UNC13B: variants seen among roughly 807,000 people sequenced by gnomAD.
UNC13B encodes the protein protein unc-13 homolog B.
In UNC13B, 144 loss-of-function variants were observed where a neutral mutation model predicts 211.0. That is an observed-to-expected ratio of 0.68 (90% CI 0.60 to 0.78). The LOEUF is 0.78. Ranked by LOEUF, UNC13B falls within the 30% of genes least tolerant of loss-of-function variation. The pLI, the probability that UNC13B is intolerant of heterozygous loss-of-function variation, is 0.00. For missense variants in UNC13B, 1,777 were observed against 2,002.0 expected, an observed-to-expected ratio of 0.89 and a Z score of 2.14; for synonymous variants, 709 against 725.8, an observed-to-expected ratio of 0.98 and a Z score of 0.37.
chr9:35,394,731 AG>A (rs1417009432), intron 26 of UNC13B, among the ~76,000 whole-genome samples: 2 of 152,204 alleles, frequency 1.3e-5, no homozygotes, highest in African/African-American at 4.8e-5. Flanking sequence ...GGTGGAAGTC[AG>A]GGGCAGGAGG....
chr9:35,276,729 G>A (rs1245913278), intron 7 of UNC13B, among the ~76,000 whole-genome samples: 4 of 151,992 alleles, frequency 2.6e-5, no homozygotes, highest in East Asian at 3.9e-4. Context: ...ATTCCACTCC[G>A]GGATAACTAG....
At chr9:35,248,853 C>A (rs1200281574) in intron 6 of UNC13B, among the ~76,000 whole-genome samples, 1 of 152,112 alleles carries the variant, frequency 6.6e-6, no homozygotes, top group Non-Finnish European at 1.5e-5. Flanking sequence ...GTGGAGAGTT[C>A]TGTAGATGTC....
intron 1 of UNC13B, among the ~76,000 whole-genome samples, chr9:35,202,308 TG>T (rs1823352716): frequency 6.6e-6 from 1 of 152,200 alleles, no homozygotes; most frequent in African/African-American, 2.4e-5. Context: ...AAATAATGTA[TG>T]TTCTGTTGAT....
intron 7 of UNC13B, among the ~76,000 whole-genome samples, chr9:35,282,488 T>C (rs563495338): frequency 4.5e-4 from 69 of 152,286 alleles, no homozygotes; most frequent in South Asian, 8.3e-4. Context: ...TGGAGTGCAG[T>C]GGCTGTGATC....
In UNC13B at chr9:35,304,109, C is replaced by T. The variant is rs149679789; in HGVS notation, c.4705C>T (p.Gln1569Ter). The T allele has an allele frequency of 8.4e-4, 333 of 398,628 alleles. 1 individual carries two copies. The highest frequency in any genetic ancestry group is 1.3e-3 in the Non-Finnish European group (289 of 225,868). The allele number at this position is 398,628 out of a possible 1,614,324, so 24.7% of individuals were successfully genotyped here. The change falls in exon 9 of 40, where the codon CAG (glutamine) becomes TAG (stop). Residue 1569 changes from glutamine (Q) to a stop codon, truncating the protein, a stop_gained. Transcript: ENST00000635942. LOFTEE classifies it high-confidence loss of function. ...TCAAGAGTATTTGGATTGTGATTTA[C>T]AGACAAATGGTCTATCAAGTATTAC... ...SYQEYLDCDLQTNGLSSITLD... is the reference protein window; with the variant it reads ...SYQEYLDCDL
rs1281432956 is a variant in UNC13B at position 35,400,310 on chromosome 9, A to C, written c.12351A>C (p.Ala4117=). The C allele has an allele frequency of 1.2e-6, 2 of 1,613,918 alleles. No homozygotes were observed. The highest frequency in any genetic ancestry group is 1.7e-6 in the Non-Finnish European group (2 of 1,179,912). Residue 4117 remains alanine (A), a synonymous_variant, in exon 37 of 40, where the codon GCA becomes GCC. Transcript: ENST00000635942. ...ALDTIKQYFH[A]GGNGLKKTFL... Reference sequence around the variant, plus strand: ...TTATCTTGCAGCAATACTTCCATGCAGGAGGCAATGGGCTGAAGAAAACCT... The same window carrying C: ...TTATCTTGCAGCAATACTTCCATGCCGGAGGCAATGGGCTGAAGAAAACCT...
chr9:35,167,560 C>G (rs1053428612), intron 1 of UNC13B, among the ~76,000 whole-genome samples: 3 of 148,888 alleles, frequency 2.0e-5, no homozygotes, highest in Non-Finnish European at 3.0e-5. Context: ...CTATTACAAA[C>G]AGTGCTACAA....
chr9:35,227,739 C>T, intron 1 of UNC13B: 2 of 349,560 alleles, frequency 5.7e-6, no homozygotes, highest in East Asian at 9.5e-5. Context: ...ATGAAACTGG[C>T]TGCCTGCCAC....
chr9:35,170,912 G>A (rs185324528), intron 1 of UNC13B, among the ~76,000 whole-genome samples: 59 of 152,168 alleles, frequency 3.9e-4, no homozygotes, highest in Non-Finnish European at 7.5e-4. Flanking sequence ...AAGCTCAGGT[G>A]ATTCTTCCAC....
Position 35,389,914 on chromosome 9 carries a change from C to A in UNC13B, c.11163C>A (p.Ile3721=), listed in dbSNP as rs773254780. The change falls in exon 25 of 40, where the codon ATC becomes ATA. Residue 3721 remains isoleucine, a synonymous_variant. Transcript: ENST00000635942. The part of the protein sequence containing the change: ...IRNLDFWPKL[I]TLIVSIIEED... ...ACCTGGATTTCTGGCCCAAGCTCAT[C>A]ACACTCATCGTGTCAATCATAGAGG... 8.1e-6 allele frequency: 13 copies of A among 1,614,036 alleles called. No individual in the cohort carries two copies. Among genetic ancestry groups the A allele is most frequent in the South Asian group, 1.1e-5 (1 of 91,080 alleles).
intron 13 of UNC13B, among the ~76,000 whole-genome samples, chr9:35,372,400 G>A (rs1834194053): frequency 1.3e-5 from 2 of 152,264 alleles, no homozygotes; most frequent in Admixed American, 1.3e-4. Flanking sequence ...GAAACCATGT[G>A]CCTCTCCAGG....
At chr9:35,177,128 T>TA (rs1336279913) in intron 1 of UNC13B, among the ~76,000 whole-genome samples, 4 of 151,120 alleles carry the variant, frequency 2.6e-5, no homozygotes, top group Admixed American at 2.6e-4. Flanking sequence ...TAAAAAAAAT[T>TA]AAAAAAAAAT....
Position 35,243,265 on chromosome 9 carries a change from T to C in UNC13B, c.395-26T>C, listed in dbSNP as rs369283558. On this transcript the variant is annotated intron_variant, in intron 5 of 39. Transcript: ENST00000635942. Reference sequence around the variant, plus strand: ...TATTACCTGCTGATGTGATTTCTTTTCTTTTTCTTCTTTTTTTTATGGTAG... The same window carrying C: ...TATTACCTGCTGATGTGATTTCTTTCCTTTTTCTTCTTTTTTTTATGGTAG... The C allele has an allele frequency of 3.7e-6, 6 of 1,608,540 alleles. No homozygotes were observed. The African/African-American group carries it at 8.0e-5, about 22-fold the overall frequency.
At chr9:35,362,356 A>G (rs899915248) in intron 11 of UNC13B, among the ~76,000 whole-genome samples, 2 of 152,248 alleles carry the variant, frequency 1.3e-5, no homozygotes, top group Non-Finnish European at 1.5e-5. Context: ...TGAACTAAGC[A>G]TGCGATATCT....
intron 13 of UNC13B, among the ~76,000 whole-genome samples, chr9:35,372,262 ACTCTGT>A (rs912857781): frequency 3.3e-5 from 5 of 152,184 alleles, no homozygotes; most frequent in Admixed American, 3.3e-4. Context: ...ACAGTGCAAG[ACTCTGT>A]CTCCAAACAA....
Position 35,302,969 on chromosome 9 carries a change from C to T in UNC13B, c.3565C>T (p.Leu1189=), listed in dbSNP as rs1829758179. 2.5e-6 allele frequency: 1 copy of T among 398,680 alleles called. No individual in the cohort carries two copies. Among genetic ancestry groups the T allele is most frequent in the Non-Finnish European group, 4.4e-6 (1 of 225,768 alleles). 24.7% of individuals were successfully genotyped at this position (398,680 alleles called of 1,614,324 possible). The change falls in exon 9 of 40, where the codon CTG becomes TTG. Residue 1189 remains leucine (L), a synonymous_variant. Coordinates refer to ENST00000635942, the MANE Select transcript of UNC13B (RefSeq NM_001371189.2). ...TPGLISGIFN[L]LSNSGMIDHK... is the part of the protein sequence containing the mutation. ...AGGTTTAATCTCTGGAATATTTAAC[C>T]TGCTATCAAATAGCGGTATGATTGA...
At chr9:35,270,623 A>T in intron 7 of UNC13B, among the ~76,000 whole-genome samples, 1 of 152,184 alleles carries the variant, frequency 6.6e-6, no homozygotes, top group East Asian at 1.9e-4. Flanking sequence ...CTCACATAAG[A>T]TTACAAAACC....
At chr9:35,250,327 T>C (rs1310722415) in intron 6 of UNC13B, among the ~76,000 whole-genome samples, 1 of 152,216 alleles carries the variant, frequency 6.6e-6, no homozygotes, top group Non-Finnish European at 1.5e-5. Context: ...TCAGTCTCCA[T>C]TCTTCCCTAT....
At chr9:35,263,451 T>A (rs929300137) in intron 7 of UNC13B, among the ~76,000 whole-genome samples, 3 of 152,072 alleles carry the variant, frequency 2.0e-5, no homozygotes, top group Non-Finnish European at 4.4e-5. Flanking sequence ...CACTTGGCCC[T>A]GAGGAACCCA....
Sources: gnomAD v4.1 joint callset for allele counts (sites outside exome capture counted in the v4.1 genomes callset) on GRCh38, gnomAD v4.1.1 for gene constraint, MANE v1.5 for transcripts, NCBI Gene and HGNC (gene_info 2026-07-23, HGNC 2026-07-21) for gene names.